STARD10: variants seen among roughly 807,000 people sequenced by gnomAD.
STARD10 encodes StAR related lipid transfer domain containing 10.
STARD10 carries 24 observed loss-of-function variants against 36.0 expected under a neutral mutation model. That is an observed-to-expected ratio of 0.67 (90% CI 0.48 to 0.94). The LOEUF (loss-of-function observed/expected upper bound fraction) is 0.94, where lower values mean the gene tolerates loss of function less well. Among genes scored for constraint, STARD10 ranks in the 40% least tolerant of loss-of-function variants. STARD10 has a pLI of 0.00. For missense variants in STARD10, 335 were observed against 396.6 expected (o/e 0.84, Z 1.32); for synonymous variants, 156 against 161.9 (o/e 0.96, Z 0.28).
intron 2 of STARD10, among the ~76,000 whole-genome samples, chr11:72,776,677 T>G (rs995044167): frequency 6.6e-6 from 1 of 151,998 alleles, no homozygotes; most frequent in Non-Finnish European, 1.5e-5. Flanking sequence ...ATCTGCTTGA[T>G]GGGATTAAGG....
chr11:72,760,864 T>G (rs960915684), intron 2 of STARD10, among the ~76,000 whole-genome samples: 70 of 152,070 alleles, frequency 4.6e-4, no homozygotes, highest in African/African-American at 1.6e-3. Flanking sequence ...AAGATCAAGT[T>G]CCTCTCAGCA....
Position 72,754,968 on chromosome 11 carries a change from C to A in STARD10, c.805G>T (p.Ala269Ser), listed in dbSNP as rs1591261633. 1 of 1,610,294 alleles carries A rather than the reference C, an allele frequency of 6.2e-7. No individual in the cohort carries two copies. The highest frequency in any genetic ancestry group is 1.7e-5 in the Admixed American group (1 of 59,884). ...SLENIDESAV[A>S]ESREERMGGA... ...CCCATCCGCTCCTCTCTGCTCTCGG[C>A]CACCGCGCTCTCGTCGATGTTCTCC... Residue 269 changes from alanine to serine, a missense_variant, in exon 7 of 7, where the codon GCC becomes TCC. Coordinates refer to ENST00000334805, the MANE Select transcript of STARD10 (RefSeq NM_006645.3).
chr11:72,787,925 TAC>T (rs1032137324), intron 1 of STARD10, among the ~76,000 whole-genome samples: 1 of 152,212 alleles, frequency 6.6e-6, no homozygotes, highest in African/African-American at 2.4e-5. Context: ...CCTGACTCAG[TAC>T]AGTTTCCACC....
At chr11:72,780,447 G>A (rs770802498) in intron 2 of STARD10, 2 of 447,664 alleles carry the variant, frequency 4.5e-6, no homozygotes, top group Non-Finnish European at 9.0e-6. Context: ...GTCCCTGCAG[G>A]AGGCTAAGGG....
intron 1 of STARD10, chr11:72,783,735 T>C (rs1476939053): frequency 1.3e-5 from 2 of 152,394 alleles, no homozygotes; most frequent in African/African-American, 2.4e-5. Flanking sequence ...CCTCAGCAGA[T>C]AGCAGGTACC....
intron 1 of STARD10, among the ~76,000 whole-genome samples, chr11:72,788,574 CTT>C (rs72079658): frequency 4.1e-5 from 6 of 146,520 alleles, no homozygotes; most frequent in Non-Finnish European, 1.5e-5. Context: ...GAAATTCAGC[CTT>C]TTTTTTTTTT....
chr11:72,755,149 G>GC lies in STARD10; in HGVS notation c.631-8dup. ...TGTACATCTTCTTCATGGCCTGTGG[G>GC]CCCGCCGCCCCGCCGGGTCAGGGGG... On this transcript the variant is annotated splice_polypyrimidine_tract_variant and splice_region_variant and intron_variant, in intron 6 of 6. Coordinates refer to ENST00000334805, the MANE Select transcript of STARD10 (RefSeq NM_006645.3). 6.2e-7 allele frequency: 1 copy of GC among 1,607,368 alleles called. No homozygotes were observed. The highest frequency in any genetic ancestry group is 8.5e-7 in the Non-Finnish European group (1 of 1,176,110).
intron 6 of STARD10, 79 bp downstream of exon 6, chr11:72,755,622 G>T (rs2135606491): frequency 6.5e-7 from 1 of 1,545,166 alleles, no homozygotes; most frequent in Non-Finnish European, 8.9e-7. Flanking sequence ...TCAGGCTCCA[G>T]GCTTGACTCC....
chr11:72,780,420 GC>G (rs748456422), intron 2 of STARD10: 20 of 452,344 alleles, frequency 4.4e-5, no homozygotes, highest in South Asian at 3.1e-4. Flanking sequence ...TTCAGGATCT[GC>G]CAGCCACAAT....
chr11:72,771,016 G>A (rs762268505), intron 2 of STARD10, among the ~76,000 whole-genome samples: 4 of 152,228 alleles, frequency 2.6e-5, no homozygotes, highest in Non-Finnish European at 4.4e-5. Context: ...GCCAGGCTCT[G>A]TGCTAAGAGG....
At chr11:72,780,936 G>A (rs779137617) in intron 2 of STARD10, 39 bp downstream of exon 2, 5 of 1,592,114 alleles carry the variant, frequency 3.1e-6, no homozygotes, top group Non-Finnish European at 4.3e-6. Flanking sequence ...GAGGCAGTAA[G>A]GGTGCAGTGG....
Position 72,758,591 on chromosome 11 carries a change from A to AG in STARD10, c.397dup (p.Leu133ProfsTer10). The stretch of plus-strand genomic sequence containing the variant: ...AGCGCCCATGGGGAGCCAGGAGCGG[A>AG]GGGTGATGACATCACGGTTCTTCAG... On this transcript the variant is annotated frameshift_variant, in exon 4 of 7. Transcript: ENST00000334805. LOFTEE classifies it high-confidence loss of function. 6.2e-7 allele frequency: 1 copy of AG among 1,614,088 alleles called. No homozygotes were observed. Among genetic ancestry groups the AG allele is most frequent in the Non-Finnish European group, 8.5e-7 (1 of 1,180,000 alleles).
chr11:72,759,257 T>C lies in STARD10; in HGVS notation c.332A>G (p.Asn111Ser), dbSNP rs1446101248. 5 of 1,613,984 alleles carry C rather than the reference T, an allele frequency of 3.1e-6. No individual in the cohort carries two copies. Among genetic ancestry groups the C allele is most frequent in the South Asian group, 1.1e-5 (1 of 91,078 alleles). The change falls in exon 3 of 7, where the codon AAC (asparagine) becomes AGC (serine). Residue 111 changes from asparagine to serine, a missense_variant. Coordinates refer to ENST00000334805, the MANE Select transcript of STARD10 (RefSeq NM_006645.3). ...ETFDIARLTV[N>S]ADVGYYSWRC... ...ACAGGAGTAATAGCCCACGTCAGCGTTGACTGTCAAGCGGGCGATGTCAAA... is the reference window on the plus strand; with the variant it reads ...ACAGGAGTAATAGCCCACGTCAGCGCTGACTGTCAAGCGGGCGATGTCAAA...
At chr11:72,758,739 C>T in intron 3 of STARD10, 106 bp from the exon 4 acceptor site, 1 of 752,434 alleles carries the variant, frequency 1.3e-6, no homozygotes, top group Admixed American at 2.5e-5. Flanking sequence ...ACTGCCAGCT[C>T]TCCAGTGCAA....
At chr11:72,788,768 G>T (rs1260264948) in intron 1 of STARD10, among the ~76,000 whole-genome samples, 1 of 152,074 alleles carries the variant, frequency 6.6e-6, no homozygotes, top group Non-Finnish European at 1.5e-5. Context: ...TCACTATGTT[G>T]GCCAGGCTGG....
At chr11:72,784,202 A>G (rs1859043413) in intron 1 of STARD10, among the ~76,000 whole-genome samples, 1 of 152,212 alleles carries the variant, frequency 6.6e-6, no homozygotes, top group African/African-American at 2.4e-5. Flanking sequence ...AGCAGCCGAG[A>G]AGGGCCCCAT....
chr11:72,755,303 A>ATTATTTTTTTTTTTTTT, intron 6 of STARD10, 161 bp from the exon 7 acceptor site: 2 of 483,480 alleles, frequency 4.1e-6, no homozygotes, highest in African/African-American at 3.0e-5. Context: ...TCCATTCTCC[A>ATTATTTTTTTTTTTTTT]TTCTTTTTTT....
intron 1 of STARD10, among the ~76,000 whole-genome samples, chr11:72,791,434 G>A (rs2135044088): frequency 6.6e-6 from 1 of 152,266 alleles, no homozygotes; most frequent in African/African-American, 2.4e-5. Flanking sequence ...GCCGGGCGTG[G>A]TGACTCATGC....
intron 3 of STARD10, 121 bp downstream of exon 3, chr11:72,759,113 T>A: frequency 7.9e-7 from 1 of 1,258,052 alleles, no homozygotes; most frequent in Admixed American, 2.1e-5. Flanking sequence ...CTCTCAGCAC[T>A]CAAGTCTCCG....
Sources: allele counts gnomAD v4.1 joint callset (sites outside exome capture counted in the v4.1 genomes callset), GRCh38; gene constraint gnomAD v4.1.1; transcripts MANE v1.5; gene names NCBI Gene and HGNC (gene_info 2026-07-23, HGNC 2026-07-21).